KIF24: variants seen among roughly 807,000 people sequenced by gnomAD.
KIF24 encodes the protein kinesin-like protein KIF24.
In KIF24, 81 loss-of-function variants were observed where a neutral mutation model predicts 118.9. That is an observed-to-expected ratio of 0.68 (90% CI 0.57 to 0.82). KIF24 has a LOEUF of 0.82. KIF24 is among the 40% of genes least tolerant of loss of function. The pLI is 0.00. For missense variants in KIF24, 1,560 were observed against 1,661.6 expected (o/e 0.94, Z 1.06); for synonymous variants, 599 against 610.0 (o/e 0.98, Z 0.27).
intron 6 of KIF24, among the ~76,000 whole-genome samples, chr9:34,284,438 AGTT>A (rs988906317): frequency 2.0e-5 from 3 of 152,154 alleles, no homozygotes; most frequent in African/African-American, 7.2e-5. Flanking sequence ...AAACAACCCC[AGTT>A]GTTTATTAAC....
chr9:34,267,034 TAAAG>T (rs1268415001), intron 8 of KIF24, among the ~76,000 whole-genome samples: 3 of 152,174 alleles, frequency 2.0e-5, no homozygotes, highest in African/African-American at 7.2e-5. Context: ...GTGAATAAAT[TAAAG>T]AATCATCTTG....
At chr9:34,297,470 G>T (rs1563953926) in intron 3 of KIF24, among the ~76,000 whole-genome samples, 1 of 152,122 alleles carries the variant, frequency 6.6e-6, no homozygotes, top group Non-Finnish European at 1.5e-5. Context: ...TAGAATTTTG[G>T]AGGAATTTGT....
intron 8 of KIF24, among the ~76,000 whole-genome samples, chr9:34,268,509 CTTTTT>C (rs551412725): frequency 8.1e-6 from 1 of 123,570 alleles, no homozygotes; most frequent in Non-Finnish European, 1.7e-5. Flanking sequence ...GATTTTCTTT[CTTTTT>C]TTTTTTTTTT....
chr9:34,285,930 T>TAAAAAAAA (rs11283995), intron 6 of KIF24, among the ~76,000 whole-genome samples: 2 of 120,882 alleles, frequency 1.7e-5, no homozygotes, highest in Non-Finnish European at 3.4e-5. Flanking sequence ...CCCTGTTGCT[T>TAAAAAAAA]AAAAAAAAAA....
rs760181919 is a variant in KIF24, at chr9:34,297,013, G to A, written c.911+4C>T. On this transcript the variant is annotated splice_donor_region_variant and intron_variant, in intron 4 of 12. Coordinates refer to ENST00000402558, the MANE Select transcript of KIF24 (RefSeq NM_194313.4). ...GCAAAAAAAGCAAATAATCATTATC[G>A]TACCCATTGAAAATATGCTGAATAA... The A allele has an allele frequency of 3.1e-5, 45 of 1,460,770 alleles. No homozygotes were observed. The highest frequency in any genetic ancestry group is 4.6e-5 in the East Asian group (2 of 43,608). The allele number at this position is 1,460,770 out of a possible 1,614,324, so 90.5% of individuals were successfully genotyped here. A position where few individuals can be genotyped will look rare whatever the true frequency, so the allele number is the denominator to read the frequency against.
At position 34,254,425 on chromosome 9, in the gene KIF24, GGT is replaced by G. The variant is rs748383085; in HGVS notation, c.4060_4061del (p.Thr1354LeufsTer9). Reference protein sequence around the residue: ...SLRSQLQLYLTCHGPTAAPEG... With the variant: ...SLRSQLQLYLXCHGPTAAPEG... ...CAGGGGCTGCGGTGGGCCCGTGGCA[GGT>G]GAGATAGAGCTGCAGCTGGCTCCTC... On this transcript the variant is annotated frameshift_variant, in exon 13 of 13. Transcript: ENST00000402558. LOFTEE classifies it high-confidence loss of function. 3.7e-6 allele frequency: 6 copies of G among 1,613,734 alleles called. No homozygotes were observed. In the African/African-American group the frequency reaches 8.0e-5, roughly 22 times the overall value.
chr9:34,319,264 G>T, intron 1 of KIF24: 1 of 1,213,068 alleles, frequency 8.2e-7, no homozygotes, highest in South Asian at 1.2e-5. Context: ...GGTAACCAAA[G>T]AGCAGCTGAA....
At chr9:34,285,386 A>G (rs1042029688) in intron 6 of KIF24, among the ~76,000 whole-genome samples, 2 of 151,556 alleles carry the variant, frequency 1.3e-5, no homozygotes, top group African/African-American at 4.9e-5. Flanking sequence ...CTAGCACTTT[A>G]AGAGGCCAAG....
chr9:34,289,714 CTAAAG>C (rs1223545901), intron 5 of KIF24, among the ~76,000 whole-genome samples: 2 of 152,194 alleles, frequency 1.3e-5, no homozygotes, highest in Non-Finnish European at 2.9e-5. Flanking sequence ...GGTTAAAACT[CTAAAG>C]AGAAGATTTT....
At chr9:34,326,844 G>T (rs1440328215) in intron 1 of KIF24, among the ~76,000 whole-genome samples, 2 of 152,116 alleles carry the variant, frequency 1.3e-5, no homozygotes, top group African/African-American at 4.8e-5. Flanking sequence ...GCTATGATTC[G>T]TCTTCAAAGT....
At chr9:34,316,768 TAAAGTAAA>T (rs890623708) in intron 1 of KIF24, among the ~76,000 whole-genome samples, 2 of 152,258 alleles carry the variant, frequency 1.3e-5, no homozygotes, top group Admixed American at 1.3e-4. Flanking sequence ...AGCAAACTCC[TAAAGTAAA>T]AATAGTGCTT....
intron 1 of KIF24, among the ~76,000 whole-genome samples, chr9:34,316,296 G>C (rs537883590): frequency 2.6e-5 from 4 of 151,632 alleles, no homozygotes; most frequent in South Asian, 4.2e-4. Flanking sequence ...AGCCGAGATC[G>C]TGTCACTGCA....
Position 34,310,930 on chromosome 9 carries a change from G to A in KIF24, c.417C>T (p.His139=), listed in dbSNP as rs756433241. The part of the protein sequence containing the change: ...QKSTYLKVLE[H]MLPDDSQYHT... ...GGTACTGGGAATCATCTGGTAGCAT[G>A]TGTTCTAGCACTTTTAGGTAAGTGG... is the stretch of plus-strand genomic sequence containing the variant. Residue 139 remains histidine, a synonymous_variant, in exon 2 of 13, where the codon CAC becomes CAT. Transcript: ENST00000402558. 23 of 1,613,368 alleles carry A rather than the reference G, an allele frequency of 1.4e-5. No individual in the cohort carries two copies. Among genetic ancestry groups the A allele is most frequent in the East Asian group, 4.5e-5 (2 of 44,884 alleles).
chr9:34,279,116 C>T (rs962771876), intron 6 of KIF24, among the ~76,000 whole-genome samples: 5 of 151,986 alleles, frequency 3.3e-5, no homozygotes, highest in Non-Finnish European at 7.4e-5. Flanking sequence ...AAAAACAAAA[C>T]GAAAAACTGT....
chr9:34,275,269 T>C (rs960602127), intron 6 of KIF24, among the ~76,000 whole-genome samples: 2 of 151,808 alleles, frequency 1.3e-5, no homozygotes, highest in South Asian at 4.2e-4. Context: ...TGATGTACAC[T>C]TGTAGTCCCA....
Position 34,256,711 on chromosome 9 carries a change from G to T in KIF24, c.2896C>A (p.Gln966Lys). The change falls in exon 11 of 13, where the codon CAA becomes AAA. Residue 966 changes from glutamine to lysine, a missense_variant. Gln to Lys is a moderately conservative substitution (Grantham distance 53). Around this residue, in one of 3 missense-constraint regions of KIF24, gnomAD observed 591 missense variants for 655.6 expected, o/e 0.90. Transcript: ENST00000402558. ...SSFDLRKDASQSEVSGENEGN... is the reference protein window; with the variant it reads ...SSFDLRKDASKSEVSGENEGN... ...TCATTCTCCCCAGAAACCTCACTTTGGGAGGCATCCTTTCTGAGATCAAAG... is the reference window on the plus strand; with the variant it reads ...TCATTCTCCCCAGAAACCTCACTTTTGGAGGCATCCTTTCTGAGATCAAAG... 1 of 1,613,946 alleles carries T rather than the reference G, an allele frequency of 6.2e-7. No homozygotes were observed. Among genetic ancestry groups the T allele is most frequent in the Non-Finnish European group, 8.5e-7 (1 of 1,179,882 alleles).
chr9:34,323,447 T>C (rs1008879710), intron 1 of KIF24, among the ~76,000 whole-genome samples: 2 of 152,218 alleles, frequency 1.3e-5, no homozygotes, highest in African/African-American at 4.8e-5. Context: ...CAAGTATTAC[T>C]TTCTCTAAAT....
At chr9:34,299,424 C>T (rs1836608951) in intron 3 of KIF24, among the ~76,000 whole-genome samples, 1 of 151,936 alleles carries the variant, frequency 6.6e-6, no homozygotes, top group Non-Finnish European at 1.5e-5. Flanking sequence ...TCAAGTGATC[C>T]GTCTGCTTCA....
At chr9:34,263,231 T>C in intron 8 of KIF24, 59 bp from the exon 9 acceptor site, 2 of 1,198,916 alleles carry the variant, frequency 1.7e-6, no homozygotes, top group East Asian at 2.4e-5. Flanking sequence ...GTAACAGACC[T>C]GATGCCGCCT....
Sources: allele counts gnomAD v4.1 joint callset (sites outside exome capture counted in the v4.1 genomes callset), GRCh38; gene constraint gnomAD v4.1.1; regional missense constraint gnomAD v4.1.1; transcripts MANE v1.5; gene names NCBI Gene and HGNC (gene_info 2026-07-23, HGNC 2026-07-21).